REDIC1: variants seen among roughly 807,000 people sequenced by gnomAD.
REDIC1 encodes regulator of DNA class I crossover intermediates 1, also known as HEI10 Interacting Protein 1.
At chr12:39,695,666 C>G in the REDIC1 span, among the ~76,000 whole-genome samples, 1 of 152,174 alleles carries the variant, frequency 6.6e-6, no homozygotes, top group Non-Finnish European at 1.5e-5. Flanking sequence ...CCACCTGGGG[C>G]CTGGGGGAAC....
chr12:39,823,618 A>T, the REDIC1 span, among the ~76,000 whole-genome samples: 2 of 151,548 alleles, frequency 1.3e-5, no homozygotes, highest in Non-Finnish European at 2.9e-5. Context: ...GATGATGATG[A>T]TATTATTATT....
the REDIC1 span, among the ~76,000 whole-genome samples, chr12:39,895,522 ATATATATATATAT>A: frequency 2.2e-4 from 1 of 4,632 alleles, no homozygotes; most frequent in Non-Finnish European, 7.2e-4. Flanking sequence ...AATTATATAT[ATATATATATATAT>A]ATATATATAT....
chr12:39,897,891 T>TA, the REDIC1 span, among the ~76,000 whole-genome samples: 1,343 of 152,238 alleles, frequency 8.8e-3, 10 homozygotes, highest in African/African-American at 0.03. Flanking sequence ...ATACAATATA[T>TA]AAGACATTTT....
chr12:39,891,594 G>C, the REDIC1 span, among the ~76,000 whole-genome samples: 4 of 152,134 alleles, frequency 2.6e-5, no homozygotes, highest in Non-Finnish European at 4.4e-5. Flanking sequence ...GATTAAGGCA[G>C]GAACTTGGAA....
the REDIC1 span, among the ~76,000 whole-genome samples, chr12:39,711,360 C>A: frequency 1.9e-4 from 27 of 144,636 alleles, 1 homozygote; most frequent in Admixed American, 1.3e-3. Context: ...TGTATATATA[C>A]ATATATACAC....
the REDIC1 span, among the ~76,000 whole-genome samples, chr12:39,692,884 T>C: frequency 6.6e-6 from 1 of 152,084 alleles, no homozygotes; most frequent in Non-Finnish European, 1.5e-5. Context: ...TCCTAAATGG[T>C]TATTCCAGTT....
the REDIC1 span, among the ~76,000 whole-genome samples, chr12:39,701,492 A>T: frequency 3.3e-5 from 5 of 152,176 alleles, no homozygotes; most frequent in Non-Finnish European, 7.3e-5. Flanking sequence ...TAATAATGGG[A>T]GACTTTAACA....
At chr12:39,731,553 C>T in the REDIC1 span, among the ~76,000 whole-genome samples, 2 of 152,138 alleles carry the variant, frequency 1.3e-5, no homozygotes, top group African/African-American at 2.4e-5. Context: ...CCGCCAGATG[C>T]CAGCTGGAGC....
chr12:39,726,123 GCCTCCT>G, the REDIC1 span, among the ~76,000 whole-genome samples: 2 of 150,820 alleles, frequency 1.3e-5, no homozygotes, highest in African/African-American at 2.4e-5. Flanking sequence ...TTTTGCTGCT[GCCTCCT>G]CCTCCTCCTC....
At chr12:39,780,892 G>T in the REDIC1 span, among the ~76,000 whole-genome samples, 1 of 152,158 alleles carries the variant, frequency 6.6e-6, no homozygotes, top group African/African-American at 2.4e-5. Flanking sequence ...GAAAATACAT[G>T]TGGAGTGTCT....
At chr12:39,744,681 GAAAT>G in the REDIC1 span, among the ~76,000 whole-genome samples, 1 of 152,034 alleles carries the variant, frequency 6.6e-6, no homozygotes, top group Non-Finnish European at 1.5e-5. Context: ...AAATATAACT[GAAAT>G]AAATAAATAG....
the REDIC1 span, among the ~76,000 whole-genome samples, chr12:39,899,222 G>A: frequency 6.6e-6 from 1 of 152,152 alleles, no homozygotes; most frequent in Non-Finnish European, 1.5e-5. Flanking sequence ...GGGTGTATGT[G>A]TCGAGGAATT....
the REDIC1 span, among the ~76,000 whole-genome samples, chr12:39,840,399 A>T: frequency 3.3e-5 from 5 of 151,958 alleles, no homozygotes; most frequent in African/African-American, 1.2e-4. Context: ...TGCTTTTTAA[A>T]TCCTAAAGAG....
the REDIC1 span, chr12:39,830,389 T>A: frequency 7.2e-7 from 1 of 1,388,784 alleles, no homozygotes; most frequent in Non-Finnish European, 9.3e-7. Context: ...CTGAGCCAGG[T>A]GAGAGCTGGC....
the REDIC1 span, among the ~76,000 whole-genome samples, chr12:39,671,756 G>A: frequency 2.0e-5 from 3 of 152,098 alleles, no homozygotes; most frequent in Non-Finnish European, 4.4e-5. Context: ...GCAGGCTGGT[G>A]AAGCCCATCC....
At chr12:39,840,643 G>A in the REDIC1 span, among the ~76,000 whole-genome samples, 1 of 151,956 alleles carries the variant, frequency 6.6e-6, no homozygotes, top group African/African-American at 2.4e-5. Context: ...CAAGACTCAT[G>A]TTCCTCTATG....
chr12:39,643,687 A>G, the REDIC1 span: 1 of 893,656 alleles, frequency 1.1e-6, no homozygotes, highest in Non-Finnish European at 1.7e-6. Flanking sequence ...TATCAAGTCA[A>G]TGACTTAATA....
the REDIC1 span, among the ~76,000 whole-genome samples, chr12:39,763,403 C>G: frequency 6.6e-6 from 1 of 152,166 alleles, no homozygotes; most frequent in East Asian, 1.9e-4. Flanking sequence ...ATCATATTCA[C>G]CATTCATCTG....
At chr12:39,675,838 G>A in the REDIC1 span, among the ~76,000 whole-genome samples, 1 of 152,098 alleles carries the variant, frequency 6.6e-6, no homozygotes. Flanking sequence ...AGCCTCACTG[G>A]GGGGCTAGAC....
Sources: gnomAD v4.1 joint callset for allele counts (sites outside exome capture counted in the v4.1 genomes callset) on GRCh38, gnomAD v4.1.1 for gene constraint, MANE v1.5 for transcripts, NCBI Gene and HGNC (gene_info 2026-07-23, HGNC 2026-07-21) for gene names.